The following OPCML variants were observed in gnomAD, a reference collection of about 807,000 sequenced individuals.
OPCML encodes opioid binding protein/cell adhesion molecule like.
OPCML carries 13 observed loss-of-function variants against 37.8 expected under a neutral mutation model. The observed-to-expected ratio is 0.34, with a 90% confidence interval of 0.22 to 0.55. The LOEUF (loss-of-function observed/expected upper bound fraction) is 0.55. Among genes scored for constraint, OPCML ranks in the 20% least tolerant of loss-of-function variants. OPCML has a pLI of 0.91. For missense variants in OPCML, 341 were observed against 435.6 expected (o/e 0.78, Z 1.93); for synonymous variants, 176 against 168.8 (o/e 1.04, Z -0.33).
chr11:132,598,541 T>G (rs1309205010), intron 3 of OPCML, among the ~76,000 whole-genome samples: 1 of 152,148 alleles, frequency 6.6e-6, no homozygotes, highest in Non-Finnish European at 1.5e-5. Flanking sequence ...AATCTATCAT[T>G]TTAGTTCTTA....
chr11:133,233,668 A>T (rs1940387615), intron 1 of OPCML, among the ~76,000 whole-genome samples: 1 of 152,194 alleles, frequency 6.6e-6, no homozygotes, highest in Admixed American at 6.5e-5. Context: ...CTCCTTGTTA[A>T]AATGGTATAT....
chr11:132,832,800 C>G (rs1431687632), intron 2 of OPCML, among the ~76,000 whole-genome samples: 1 of 152,174 alleles, frequency 6.6e-6, no homozygotes, highest in Non-Finnish European at 1.5e-5. Flanking sequence ...CCTGTCACTC[C>G]TAGGCTACAA....
At chr11:133,049,116 A>G (rs561556422) in intron 1 of OPCML, among the ~76,000 whole-genome samples, 6 of 152,304 alleles carry the variant, frequency 3.9e-5, no homozygotes, top group South Asian at 2.1e-4. Context: ...GGGGTTTACA[A>G]TCTAGCTGTT....
rs145038227 is a variant in OPCML at position 132,897,890 on chromosome 11, G to T, written c.146+45036C>A. Among the ~76,000 whole-genome samples the T allele has an allele frequency of 9.9e-3, 1,510 of 152,294 alleles. 15 individuals carry two copies. The highest frequency in any genetic ancestry group is 0.016 in the Non-Finnish European group (1,107 of 68,020). ...GATAGATCTCTCTGAGTCGGCAAAG[G>T]ATGTGAAGTTATTTGTTTCTCATGT... On this transcript the variant is annotated intron_variant, in intron 2 of 7. Coordinates refer to ENST00000524381, the MANE Select transcript of OPCML (RefSeq NM_001012393.5).
chr11:133,166,144 G>A (rs913524293), intron 1 of OPCML, among the ~76,000 whole-genome samples: 1 of 152,092 alleles, frequency 6.6e-6, no homozygotes, highest in African/African-American at 2.4e-5. Flanking sequence ...AACTAAGCTT[G>A]CTTTGGGGAA....
At chr11:133,052,340 A>G (rs571742842) in intron 1 of OPCML, among the ~76,000 whole-genome samples, 1 of 152,344 alleles carries the variant, frequency 6.6e-6, no homozygotes, top group East Asian at 1.9e-4. Flanking sequence ...CCATTATTCA[A>G]TAAACATATT....
At chr11:133,144,821 T>C (rs940068841) in intron 1 of OPCML, among the ~76,000 whole-genome samples, 3 of 152,238 alleles carry the variant, frequency 2.0e-5, no homozygotes, top group African/African-American at 7.2e-5. Context: ...CATCATGTTC[T>C]AGTAAAACAG....
At chr11:132,954,449 G>A (rs1371850505) in intron 1 of OPCML, among the ~76,000 whole-genome samples, 3 of 151,986 alleles carry the variant, frequency 2.0e-5, no homozygotes, top group Non-Finnish European at 4.4e-5. Flanking sequence ...AGACTCAAAG[G>A]AAAAGTTCAC....
intron 1 of OPCML, among the ~76,000 whole-genome samples, chr11:133,498,404 G>A (rs905382285): frequency 3.3e-5 from 5 of 152,244 alleles, no homozygotes; most frequent in African/African-American, 1.2e-4. Flanking sequence ...GACTGAGGCA[G>A]TGAAAGGACA....
intron 1 of OPCML, among the ~76,000 whole-genome samples, chr11:133,178,561 CTCA>C (rs1478532544): frequency 2.0e-5 from 3 of 152,122 alleles, no homozygotes; most frequent in Non-Finnish European, 4.4e-5. Context: ...AGACATACTT[CTCA>C]TCCAGCTAGA....
intron 4 of OPCML, among the ~76,000 whole-genome samples, chr11:132,511,976 GAC>G (rs899315070): frequency 6.6e-6 from 1 of 151,750 alleles, no homozygotes; most frequent in Non-Finnish European, 1.5e-5. Context: ...ACATATAGCT[GAC>G]ATAAGACATG....
chr11:132,660,912 T>C (rs1309329803), intron 2 of OPCML, among the ~76,000 whole-genome samples: 1 of 152,144 alleles, frequency 6.6e-6, no homozygotes, highest in Non-Finnish European at 1.5e-5. Context: ...CTCAGGCACT[T>C]ACTCAAGCAG....
intron 1 of OPCML, among the ~76,000 whole-genome samples, chr11:133,020,796 T>A (rs1167647453): frequency 6.6e-6 from 1 of 152,216 alleles, no homozygotes; most frequent in Non-Finnish European, 1.5e-5. Flanking sequence ...GCAATGATTT[T>A]CTTTTAATAT....
At chr11:132,950,943 G>T (rs928506712) in intron 1 of OPCML, among the ~76,000 whole-genome samples, 1 of 152,146 alleles carries the variant, frequency 6.6e-6, no homozygotes, top group Admixed American at 6.5e-5. Context: ...AATGTGAGTC[G>T]AAGGACCTGG....
intron 1 of OPCML, among the ~76,000 whole-genome samples, chr11:133,096,485 G>A (rs1396454343): frequency 1.3e-5 from 2 of 151,812 alleles, no homozygotes; most frequent in Middle Eastern, 3.2e-3. Context: ...CAAAGAATAA[G>A]GGCAACAAAT....
intron 1 of OPCML, among the ~76,000 whole-genome samples, chr11:133,022,001 C>CCTGAATGAG (rs1947464835): frequency 6.6e-6 from 1 of 152,158 alleles, no homozygotes; most frequent in Non-Finnish European, 1.5e-5. Context: ...TAAGTTAAGT[C>CCTGAATGAG]CTGAATGAGA....
In OPCML at chr11:133,455,791, A is replaced by T. The variant is rs1216045935; in HGVS notation, c.61+76473T>A. On this transcript the variant is annotated intron_variant, in intron 1 of 7. Transcript: ENST00000524381. ...AAATGACTTTATATGAGCTCTGAAA[A>T]CTAGTCAAAGATCTGCAGCCACCAA... is the stretch of plus-strand genomic sequence containing the variant. Among the ~76,000 whole-genome samples, 5 of 152,294 alleles carry T rather than the reference A, an allele frequency of 3.3e-5. No homozygotes were observed. The South Asian group carries it at 8.3e-4, about 25-fold the overall frequency.
chr11:132,611,135 G>A (rs1938613159), intron 3 of OPCML, among the ~76,000 whole-genome samples: 1 of 152,176 alleles, frequency 6.6e-6, no homozygotes, highest in South Asian at 2.1e-4. Flanking sequence ...CACGTATAAA[G>A]TTTGAAGCTG....
At chr11:132,538,202 C>T (rs2137348641) in intron 3 of OPCML, among the ~76,000 whole-genome samples, 1 of 152,130 alleles carries the variant, frequency 6.6e-6, no homozygotes, top group South Asian at 2.1e-4. Flanking sequence ...ATGTGATACA[C>T]CAATACAATG....
Sources: gnomAD v4.1 joint callset for allele counts (sites outside exome capture counted in the v4.1 genomes callset) on GRCh38, gnomAD v4.1.1 for gene constraint, MANE v1.5 for transcripts, NCBI Gene and HGNC (gene_info 2026-07-23, HGNC 2026-07-21) for gene names.